Variants in TMC7 observed in about 807,000 individuals in gnomAD.
The protein encoded by TMC7 is transmembrane channel-like protein 7.
Under a neutral mutation model 82.9 loss-of-function variants are expected in TMC7, and 54 were observed. The ratio of observed to expected loss-of-function variants is 0.65; its 90% CI spans 0.52 to 0.82. TMC7 has a LOEUF of 0.82. Ranked by LOEUF, TMC7 falls within the 40% of genes least tolerant of loss-of-function variation. TMC7 has a pLI of 0.00. For missense variants in TMC7, 820 were observed against 901.2 expected, an observed-to-expected ratio of 0.91 and a Z score of 1.15; for synonymous variants, 350 against 337.9, an observed-to-expected ratio of 1.04 and a Z score of -0.39.
At chr16:19,055,425 TCGG>T (rs1961725096) in intron 13 of TMC7, among the ~76,000 whole-genome samples, 2 of 152,166 alleles carry the variant, frequency 1.3e-5, no homozygotes, top group African/African-American at 2.4e-5. Context: ...TGGCCCGATC[TCGG>T]CTCACTGCAA....
At chr16:18,989,316 C>T (rs1207029166) in intron 1 of TMC7, among the ~76,000 whole-genome samples, 1 of 152,088 alleles carries the variant, frequency 6.6e-6, no homozygotes, top group South Asian at 2.1e-4. Flanking sequence ...CCGTCTGACT[C>T]GAGTTATTTT....
At chr16:18,984,152 G>T (rs1332229550) in intron 1 of TMC7, 22 bp downstream of exon 1, 5 of 1,488,814 alleles carry the variant, frequency 3.4e-6, no homozygotes, top group Non-Finnish European at 4.4e-6. Context: ...GGGAGCGCGC[G>T]CGGGGACGGT....
intron 1 of TMC7, among the ~76,000 whole-genome samples, chr16:18,996,473 G>C (rs1425260070): frequency 6.6e-6 from 1 of 152,170 alleles, no homozygotes; most frequent in Non-Finnish European, 1.5e-5. Flanking sequence ...GATCTTATAG[G>C]ATAGACAGAT....
At chr16:19,000,015 A>G (rs1175738346) in intron 1 of TMC7, among the ~76,000 whole-genome samples, 3 of 151,930 alleles carry the variant, frequency 2.0e-5, no homozygotes, top group Non-Finnish European at 2.9e-5. Context: ...CACCCGCCTC[A>G]GCCTCCCAAA....
intron 13 of TMC7, among the ~76,000 whole-genome samples, chr16:19,053,592 G>A (rs1051583697): frequency 2.0e-4 from 30 of 151,906 alleles, no homozygotes; most frequent in Non-Finnish European, 3.7e-4. Flanking sequence ...TAGTAAAGAC[G>A]GGGTTTCTCC....
At chr16:19,011,506 AAAATAAATAAATAAATAAAT>A (rs58092157) in intron 2 of TMC7, among the ~76,000 whole-genome samples, 1 of 137,834 alleles carries the variant, frequency 7.3e-6, no homozygotes, top group East Asian at 2.1e-4. Context: ...CTGTCTTTAC[AAAATAAATAAATAAATAAAT>A]AAATAAATAA....
intron 15 of TMC7, among the ~76,000 whole-genome samples, chr16:19,060,841 C>T (rs11641522): frequency 0.5 from 74,835 of 148,620 alleles, 20,709 homozygotes; most frequent in East Asian, 0.75. Flanking sequence ...GTCTGGAGTG[C>T]AGTGCCGCAA....
chr16:19,019,675 CACTATGTCTAGCTTCCTCTCTTGTG>C (rs953756107), intron 3 of TMC7, among the ~76,000 whole-genome samples: 3 of 152,128 alleles, frequency 2.0e-5, no homozygotes, highest in African/African-American at 7.2e-5. Context: ...AGGTTTTAGC[CACTATGTCTAGCTTCCTCTCTTGTG>C]AAGTGGTAGG....
At chr16:18,984,339 C>A in intron 1 of TMC7, 3 of 1,298,356 alleles carry the variant, frequency 2.3e-6, no homozygotes, top group South Asian at 2.3e-5. Context: ...CCAGTGGAAC[C>A]CAGCCGGGCC....
rs561902485 is a variant in TMC7 at position 19,030,377 on chromosome 16, C to T, written c.857+8C>T. On this transcript the variant is annotated splice_region_variant and intron_variant, in intron 6 of 15. Transcript: ENST00000304381. Reference sequence around the variant, plus strand: ...TCTTTGGATAGTGAAAAGGTAAAGTCTGCCTTTGCATTCTCTCTGAATTAC... The same window carrying T: ...TCTTTGGATAGTGAAAAGGTAAAGTTTGCCTTTGCATTCTCTCTGAATTAC... The T allele has an allele frequency of 1.2e-6, 2 of 1,605,610 alleles. No homozygotes were observed. The highest frequency in any genetic ancestry group is 2.2e-5 in the South Asian group (2 of 89,460).
rs1962093590 is a variant in TMC7, at chr16:19,063,556, A to G, written c.*1713A>G. The G allele has an allele frequency of 6.6e-6, 1 of 152,154 alleles. No individual in the cohort carries two copies. Among genetic ancestry groups the G allele is most frequent in the South Asian group, 2.1e-4 (1 of 4,832 alleles). The allele number at this position is 152,154 out of a possible 1,614,324, so 9.4% of individuals were successfully genotyped here. A position where few individuals can be genotyped will look rare whatever the true frequency, so the allele number is the denominator to read the frequency against. On this transcript the variant is annotated 3_prime_UTR_variant, in exon 16 of 16. Transcript: ENST00000304381. Reference sequence around the variant, plus strand: ...GACAGAGGGAGACCCTATCTCAAAAAAAAAGATAGGTGAAAAGAAAAAAAA... The same window carrying G: ...GACAGAGGGAGACCCTATCTCAAAAGAAAAGATAGGTGAAAAGAAAAAAAA...
At chr16:19,006,210 T>C (rs1482088560) in intron 1 of TMC7, among the ~76,000 whole-genome samples, 1 of 151,950 alleles carries the variant, frequency 6.6e-6, no homozygotes, top group East Asian at 1.9e-4. Context: ...GACCTTTTTT[T>C]TTTTTTTTGG....
At position 19,047,691 on chromosome 16, in the gene TMC7, G is replaced by A. The variant is rs543947252; in HGVS notation, c.1740+442G>A. 2.1e-4 allele frequency among the ~76,000 whole-genome samples: 29 copies of A among 135,960 alleles called. No individual in the cohort carries two copies. The South Asian group carries it at 6.7e-3, about 31-fold the overall frequency. The allele number at this position is 135,960 out of a possible 152,430, so 89.2% of individuals were successfully genotyped here. On this transcript the variant is annotated intron_variant, in intron 12 of 15. Transcript: ENST00000304381. ...ATTACAGGCGTGAGCCACCGTGCCC[G>A]GCCGAAAAAGACTCTTGATGGATTT...
At chr16:19,025,802 G>C (rs1960197119) in intron 5 of TMC7, among the ~76,000 whole-genome samples, 2 of 150,346 alleles carry the variant, frequency 1.3e-5, no homozygotes, top group Non-Finnish European at 1.5e-5. Context: ...CTGTTGCTCA[G>C]AGAGTGCAGT....
chr16:19,050,291 CG>C (rs1961468609), intron 12 of TMC7, among the ~76,000 whole-genome samples: 2 of 130,210 alleles, frequency 1.5e-5, no homozygotes. Flanking sequence ...GGCATGAATC[CG>C]GGAGGCGGAG....
At chr16:18,987,307 T>A (rs778715360) in intron 1 of TMC7, among the ~76,000 whole-genome samples, 1 of 152,002 alleles carries the variant, frequency 6.6e-6, no homozygotes, top group Non-Finnish European at 1.5e-5. Context: ...AGTAGCAGTC[T>A]TTATTTTATT....
At chr16:19,040,476 G>A (rs1960962788) in intron 9 of TMC7, 30 bp downstream of exon 9, 8 of 1,589,210 alleles carry the variant, frequency 5.0e-6, no homozygotes, top group African/African-American at 1.3e-5. Context: ...TGGCAGGCAT[G>A]TCAAGCCAGT....
At chr16:19,001,708 G>A (rs1490449183) in intron 1 of TMC7, among the ~76,000 whole-genome samples, 3 of 152,258 alleles carry the variant, frequency 2.0e-5, no homozygotes, top group South Asian at 2.1e-4. Flanking sequence ...AAAGGATGGA[G>A]TAGTAACAGG....
chr16:19,036,437 G>A (rs1437777518), intron 7 of TMC7, among the ~76,000 whole-genome samples: 1 of 152,142 alleles, frequency 6.6e-6, no homozygotes, highest in Non-Finnish European at 1.5e-5. Flanking sequence ...TGAACCGGGA[G>A]GCAGAGGTTG....
Sources: gnomAD v4.1 joint callset for allele counts (sites outside exome capture counted in the v4.1 genomes callset) on GRCh38, gnomAD v4.1.1 for gene constraint, MANE v1.5 for transcripts, NCBI Gene and HGNC (gene_info 2026-07-23, HGNC 2026-07-21) for gene names.